The following CD160 variants were observed in gnomAD, a reference collection of about 807,000 sequenced individuals.
CD160 encodes CD160 antigen.
CD160 carries 11 observed loss-of-function variants against 19.2 expected under a neutral mutation model. That is an observed-to-expected ratio of 0.57 (90% CI 0.36 to 0.95). The LOEUF (loss-of-function observed/expected upper bound fraction) is 0.95, where lower values mean the gene tolerates loss of function less well. Ranked by LOEUF, CD160 falls within the 40% of genes least tolerant of loss-of-function variation. The pLI is 0.01. For synonymous variants in CD160, 75 were observed against 81.1 expected (o/e 0.93, Z 0.40); for missense variants, 182 against 213.2 (o/e 0.85, Z 0.91).
chr1:145,721,748 TCACC>T (rs1553707825), intron 1 of CD160, among the ~76,000 whole-genome samples: 1 of 151,954 alleles, frequency 6.6e-6, no homozygotes, highest in African/African-American at 2.4e-5. Context: ...CCACCTTAAT[TCACC>T]CACCGTATTC....
chr1:145,726,381 C>G (rs587770421), intron 2 of CD160, among the ~76,000 whole-genome samples: 39 of 152,280 alleles, frequency 2.6e-4, no homozygotes, highest in African/African-American at 9.4e-4. Flanking sequence ...CACATATACA[C>G]CATGGAATAC....
chr1:145,721,454 T>A (rs1559089092), intron 1 of CD160, among the ~76,000 whole-genome samples: 1 of 152,290 alleles, frequency 6.6e-6, no homozygotes, highest in South Asian at 2.1e-4. Flanking sequence ...GTGACCTCGC[T>A]GCCCCCCAGC....
intron 1 of CD160, among the ~76,000 whole-genome samples, 181 bp from the exon 2 acceptor site, chr1:145,724,620 T>C (rs1282190269): frequency 6.6e-6 from 1 of 152,224 alleles, no homozygotes; most frequent in African/African-American, 2.4e-5. Context: ...GAAGGTAATA[T>C]TGACTTTCTT....
chr1:145,735,505 G>A (rs1657446840), intron 4 of CD160, among the ~76,000 whole-genome samples: 1 of 152,082 alleles, frequency 6.6e-6, no homozygotes. Context: ...AGGATCGATT[G>A]GGCTCGGGGC....
chr1:145,728,410 G>A lies in CD160; in HGVS notation c.73+10G>A. ...GACATCCAGTCTGGTGGTGAGGATA[G>A]ACCCTAGAGCAGAGACGGCCATGGG... is the stretch of plus-strand genomic sequence containing the variant. On this transcript the variant is annotated intron_variant, in intron 3 of 5. Transcript: ENST00000369288. 4 of 1,595,026 alleles carry A rather than the reference G, an allele frequency of 2.5e-6. No homozygotes were observed. Among genetic ancestry groups the A allele is most frequent in the Non-Finnish European group, 2.6e-6 (3 of 1,163,244 alleles).
chr1:145,737,357 A>C (rs1657538711), intron 5 of CD160: 1 of 152,178 alleles, frequency 6.6e-6, no homozygotes, highest in Admixed American at 6.6e-5. Flanking sequence ...ACTATATGCA[A>C]AGCACCTCTT....
rs1553709095 is a variant in CD160 at position 145,730,909 on chromosome 1, A to G, written c.239A>G (p.Lys80Arg). The G allele has an allele frequency of 6.2e-7, 1 of 1,613,976 alleles. No individual in the cohort carries two copies. The highest frequency in any genetic ancestry group is 1.1e-5 in the South Asian group (1 of 91,076). ...PETSLKQLRL[K>R]RDPGIDGVGE... is the part of the protein sequence containing the mutation. ...ACCAGTTTAAAACAGCTGAGACTTA[A>G]AAGGGATCCTGGGATAGATGGTGTT... The change falls in exon 4 of 6, where the codon AAA (lysine) becomes AGA (arginine). Residue 80 changes from lysine to arginine, a missense_variant. Coordinates refer to ENST00000369288, the MANE Select transcript of CD160 (RefSeq NM_007053.4).
At position 145,736,005 on chromosome 1, in the gene CD160, A is replaced by AACT; in HGVS notation, c.412_414dup (p.Tyr138dup). On this transcript the variant is annotated inframe_insertion, in exon 5 of 6. Transcript: ENST00000369288. ...ATTCTCTTTTGAACCAGAGACAGGG[A>AACT]ACTACACAGTGACGGGATTGAAACA... 6.2e-7 allele frequency: 1 copy of AACT among 1,611,818 alleles called. No individual in the cohort carries two copies. Among genetic ancestry groups the AACT allele is most frequent in the Non-Finnish European group, 8.5e-7 (1 of 1,178,142 alleles).
chr1:145,722,683 T>C (rs1380635896), intron 1 of CD160, among the ~76,000 whole-genome samples: 3 of 152,078 alleles, frequency 2.0e-5, no homozygotes, highest in African/African-American at 4.8e-5. Context: ...GCTCCGCCTC[T>C]CGGGCTCACG....
intron 2 of CD160, among the ~76,000 whole-genome samples, chr1:145,726,429 C>T (rs1657052248): frequency 6.6e-6 from 1 of 152,118 alleles, no homozygotes; most frequent in Non-Finnish European, 1.5e-5. Flanking sequence ...ATGTCCTTTG[C>T]AGGGACATAG....
At chr1:145,732,442 G>C (rs1553709532) in intron 4 of CD160, among the ~76,000 whole-genome samples, 2 of 152,080 alleles carry the variant, frequency 1.3e-5, no homozygotes, top group Non-Finnish European at 2.9e-5. Flanking sequence ...TGGAGGCCAA[G>C]GTGGGAGGAT....
At chr1:145,729,854 TC>T (rs1298776171) in intron 3 of CD160, among the ~76,000 whole-genome samples, 1 of 152,224 alleles carries the variant, frequency 6.6e-6, no homozygotes, top group Non-Finnish European at 1.5e-5. Flanking sequence ...GTGGTCTCTC[TC>T]ATCCTATATT....
chr1:145,737,761 A>AAT (rs1317032424), intron 5 of CD160: 1 of 151,704 alleles, frequency 6.6e-6, no homozygotes, highest in East Asian at 1.9e-4. Context: ...CAAAAAAAAA[A>AAT]AAAAAAAAAT....
intron 3 of CD160, among the ~76,000 whole-genome samples, chr1:145,730,423 G>A (rs1442284117): frequency 6.6e-6 from 1 of 152,168 alleles, no homozygotes; most frequent in African/African-American, 2.4e-5. Context: ...GCCCCAGCAG[G>A]GCTTGGCAGA....
intron 4 of CD160, among the ~76,000 whole-genome samples, chr1:145,733,739 T>C (rs1657381379): frequency 6.6e-6 from 1 of 152,070 alleles, no homozygotes; most frequent in Non-Finnish European, 1.5e-5. Flanking sequence ...TGTTCTTTTG[T>C]CTTCTCTATT....
chr1:145,722,947 T>C (rs1428324830), intron 1 of CD160, among the ~76,000 whole-genome samples: 3 of 152,072 alleles, frequency 2.0e-5, no homozygotes, highest in Non-Finnish European at 4.4e-5. Flanking sequence ...GGCTCTAGAG[T>C]CTACGCTTTT....
At chr1:145,728,134 C>G in intron 2 of CD160, 122 bp from the exon 3 acceptor site, 1 of 556,420 alleles carries the variant, frequency 1.8e-6, no homozygotes, top group Non-Finnish European at 3.2e-6. Flanking sequence ...CAGCTGGACT[C>G]TCATGCCCAA....
chr1:145,725,392 C>A (rs1657018968), intron 2 of CD160, among the ~76,000 whole-genome samples: 1 of 152,032 alleles, frequency 6.6e-6, no homozygotes, highest in African/African-American at 2.4e-5. Flanking sequence ...TTGCAGTAAG[C>A]CAAGATCGTG....
intron 5 of CD160, chr1:145,737,848 T>C: frequency 6.6e-6 from 1 of 152,020 alleles, no homozygotes; most frequent in African/African-American, 2.4e-5. Context: ...TTTTCTCCTA[T>C]ATTCAATTCA....
Sources: gnomAD v4.1 joint callset for allele counts (sites outside exome capture counted in the v4.1 genomes callset) on GRCh38, gnomAD v4.1.1 for gene constraint, MANE v1.5 for transcripts, NCBI Gene and HGNC (gene_info 2026-07-23, HGNC 2026-07-21) for gene names.